The following FAT3 variants were observed in gnomAD, a reference collection of about 807,000 sequenced individuals.
The protein encoded by FAT3 is protocadherin Fat 3.
In FAT3, 95 loss-of-function variants were observed where a neutral mutation model predicts 310.2. The observed-to-expected ratio is 0.31, with a 90% confidence interval of 0.26 to 0.36. The LOEUF is 0.36. Ranked by LOEUF, FAT3 falls within the 10% of genes least tolerant of loss-of-function variation. FAT3 has a pLI of 1.00. For synonymous variants in FAT3, 2,314 were observed against 2,192.9 expected (o/e 1.06, Z -1.54); for missense variants, 5,408 against 5,715.6 (o/e 0.95, Z 1.74).
At chr11:92,554,461 CAAAAAAAAAAAAAAAAAAAAAAAAA>C (rs56918849) in intron 3 of FAT3, among the ~76,000 whole-genome samples, 3 of 55,012 alleles carry the variant, frequency 5.5e-5, no homozygotes, top group East Asian at 1.1e-3. Flanking sequence ...GACTCCATCT[CAAAAAAAAAAAAAAAAAAAAAAAAA>C]AAAAAAAAAA....
chr11:92,514,366 A>T (rs1170849270), intron 2 of FAT3, among the ~76,000 whole-genome samples: 1 of 152,220 alleles, frequency 6.6e-6, no homozygotes, highest in African/African-American at 2.4e-5. Context: ...AACAAAGAAC[A>T]TAAAAAATCC....
At chr11:92,664,735 A>C (rs1942899142) in intron 3 of FAT3, among the ~76,000 whole-genome samples, 1 of 152,234 alleles carries the variant, frequency 6.6e-6, no homozygotes, top group East Asian at 1.9e-4. Flanking sequence ...TTTAAACATT[A>C]AATTAACTCC....
rs1460200192 is a variant in FAT3 at position 92,400,187 on chromosome 11, T to C, written c.3292+44783T>C. The C allele has an allele frequency of 2.0e-5, 3 of 152,178 alleles. No individual in the cohort carries two copies. The East Asian group carries it at 5.8e-4, about 29-fold the overall frequency. 9.4% of individuals were successfully genotyped at this position (152,178 alleles called of 1,614,324 possible). A position where few individuals can be genotyped will look rare whatever the true frequency, so the allele number is the denominator to read the frequency against. On this transcript the variant is annotated intron_variant, in intron 2 of 27. Coordinates refer to ENST00000525166, the MANE Select transcript of FAT3 (RefSeq NM_001367949.2). ...GAAGCTGAACTTTTAAAAAGACATA[T>C]GCATAATTTCATCAGGTATTTATTA...
chr11:92,638,014 A>T (rs1941829707), intron 3 of FAT3, among the ~76,000 whole-genome samples: 1 of 152,202 alleles, frequency 6.6e-6, no homozygotes, highest in South Asian at 2.1e-4. Flanking sequence ...TGGGAGGTCC[A>T]TGTACTTCAT....
intron 3 of FAT3, among the ~76,000 whole-genome samples, chr11:92,597,875 C>G (rs1307779625): frequency 6.6e-6 from 1 of 152,072 alleles, no homozygotes; most frequent in African/African-American, 2.4e-5. Context: ...ATCTGTATTT[C>G]ATTTTAAGTT....
At chr11:92,635,369 T>C (rs1014093241) in intron 3 of FAT3, among the ~76,000 whole-genome samples, 2 of 152,210 alleles carry the variant, frequency 1.3e-5, no homozygotes, top group African/African-American at 2.4e-5. Context: ...AGGCTTCTTC[T>C]ACATGCTATA....
At chr11:92,424,776 T>TCC in intron 2 of FAT3, among the ~76,000 whole-genome samples, 1 of 152,190 alleles carries the variant, frequency 6.6e-6, no homozygotes, top group South Asian at 2.1e-4. Context: ...TTTTTTCTAA[T>TCC]TTTGGAAGGA....
intron 3 of FAT3, among the ~76,000 whole-genome samples, chr11:92,682,096 A>T (rs368168090): frequency 6.6e-6 from 1 of 152,196 alleles, no homozygotes; most frequent in East Asian, 1.9e-4. Context: ...GGAGTCAGAC[A>T]ACTTGAGTTT....
At chr11:92,768,758 A>T (rs1247718067) in intron 6 of FAT3, among the ~76,000 whole-genome samples, 3 of 152,196 alleles carry the variant, frequency 2.0e-5, no homozygotes, top group Non-Finnish European at 4.4e-5. Flanking sequence ...TAATATCAGC[A>T]TGGATCTGAA....
chr11:92,228,574 A>T (rs902255110), intron 1 of FAT3, among the ~76,000 whole-genome samples: 2 of 152,206 alleles, frequency 1.3e-5, no homozygotes, highest in African/African-American at 4.8e-5. Context: ...AATCTGGCTG[A>T]TGAATTATGT....
At chr11:92,351,649 G>A (rs78586971) in intron 1 of FAT3, among the ~76,000 whole-genome samples, 10,120 of 149,704 alleles carry the variant, frequency 0.068, 1,127 homozygotes, top group African/African-American at 0.23. Context: ...TCTATTGATA[G>A]GCATTTAGCA....
chr11:92,801,010 T>G lies in FAT3; in HGVS notation c.7997T>G (p.Phe2666Cys), dbSNP rs1343507464. 6.2e-7 allele frequency: 1 copy of G among 1,613,564 alleles called. No homozygotes were observed. The highest frequency in any genetic ancestry group is 2.2e-5 in the East Asian group (1 of 44,832). The change falls in exon 10 of 28, where the codon TTT (phenylalanine) becomes TGT (cysteine). Residue 2666 changes from phenylalanine (F) to cysteine (C), a missense_variant. Physicochemically the swap from Phe to Cys is radical, Grantham distance 205. Around this residue, in one of 5 missense-constraint regions of FAT3, gnomAD observed 4,588 missense variants for 4,809.8 expected, o/e 0.95. Transcript: ENST00000525166. The part of the protein sequence containing the change: ...DNGWMVTKGN[F>C]NQLKNTVLSF... Reference sequence around the variant, plus strand: ...GGCTGGATGGTCACAAAGGGTAATTTTAACCAGCTGAAAAATACAGTGCTT... The same window carrying G: ...GGCTGGATGGTCACAAAGGGTAATTGTAACCAGCTGAAAAATACAGTGCTT...
intron 1 of FAT3, among the ~76,000 whole-genome samples, chr11:92,271,909 G>T (rs1327699113): frequency 6.6e-6 from 1 of 152,108 alleles, no homozygotes; most frequent in Non-Finnish European, 1.5e-5. Flanking sequence ...TTTTTAACCA[G>T]TATGTGACAA....
At chr11:92,248,086 T>C (rs1049614614) in intron 1 of FAT3, among the ~76,000 whole-genome samples, 2 of 152,156 alleles carry the variant, frequency 1.3e-5, no homozygotes, top group African/African-American at 4.8e-5. Flanking sequence ...GGTTTCCCCA[T>C]AGAGGATTCA....
At chr11:92,584,757 A>G (rs1939043828) in intron 3 of FAT3, among the ~76,000 whole-genome samples, 1 of 152,058 alleles carries the variant, frequency 6.6e-6, no homozygotes. Flanking sequence ...GTAACTATTT[A>G]TAAATTAGAA....
chr11:92,444,661 G>T (rs1215551566), intron 2 of FAT3, among the ~76,000 whole-genome samples: 1 of 136,574 alleles, frequency 7.3e-6, no homozygotes, highest in Non-Finnish European at 1.5e-5. Flanking sequence ...GATATTACTG[G>T]GGGGGGGGGA....
chr11:92,453,078 A>G (rs1232827334), intron 2 of FAT3, among the ~76,000 whole-genome samples: 1 of 151,964 alleles, frequency 6.6e-6, no homozygotes, highest in African/African-American at 2.4e-5. Flanking sequence ...CTAGCCTGAT[A>G]TCCCTGTTTT....
intron 2 of FAT3, among the ~76,000 whole-genome samples, chr11:92,481,420 CAT>C (rs963876084): frequency 1.3e-5 from 2 of 151,844 alleles, no homozygotes; most frequent in Non-Finnish European, 2.9e-5. Context: ...TTATAGGAAA[CAT>C]AAATTCAAGA....
intron 4 of FAT3, among the ~76,000 whole-genome samples, chr11:92,712,403 G>T (rs1295679702): frequency 1.3e-5 from 2 of 152,074 alleles, no homozygotes; most frequent in African/African-American, 4.8e-5. Flanking sequence ...CGGAGGGAGG[G>T]CATGAAAAAT....
Sources: gnomAD v4.1 joint callset for allele counts (sites outside exome capture counted in the v4.1 genomes callset) on GRCh38, gnomAD v4.1.1 for gene constraint, gnomAD v4.1.1 regional missense constraint, MANE v1.5 for transcripts, NCBI Gene and HGNC (gene_info 2026-07-23, HGNC 2026-07-21) for gene names.